The following RNF216 variants were observed in gnomAD, a reference collection of about 807,000 sequenced individuals.
RNF216 encodes E3 ubiquitin-protein ligase RNF216.
A neutral mutation model predicts 110.8 loss-of-function variants in RNF216; 72 were observed. That is an observed-to-expected ratio of 0.65 (90% CI 0.54 to 0.79). The LOEUF (loss-of-function observed/expected upper bound fraction) is 0.79, where lower values mean the gene tolerates loss of function less well. Ranked by LOEUF, RNF216 falls within the 30% of genes least tolerant of loss-of-function variation. The pLI is 0.00. For synonymous variants in RNF216, 495 were observed against 407.5 expected (o/e 1.21, Z -2.59); for missense variants, 1,342 against 1,141.2 (o/e 1.18, Z -2.54).
rs191933722 is a variant in RNF216, at chr7:5,653,841, T to C, written c.2062-1331A>G. On this transcript the variant is annotated intron_variant, in intron 13 of 16. Transcript: ENST00000389902. ...GAAAACAGATCAACACTCCAGACAA[T>C]GGGCAGCAAGAGAAGACTCTGGCAG... is the stretch of plus-strand genomic sequence containing the variant. Among the ~76,000 whole-genome samples, 26 of 151,840 alleles carry C rather than the reference T, an allele frequency of 1.7e-4. 1 individual carries two copies. Among genetic ancestry groups the C allele is most frequent in the Admixed American group, 1.6e-3 (24 of 15,242 alleles).
chr7:5,748,090 G>T (rs1795133180), intron 3 of RNF216, among the ~76,000 whole-genome samples: 1 of 152,088 alleles, frequency 6.6e-6, no homozygotes, highest in Admixed American at 6.5e-5. Context: ...GCAAATATCA[G>T]ACCCCTCCCT....
chr7:5,725,237 C>T (rs1793676549), intron 8 of RNF216, 87 bp downstream of exon 8: 6 of 795,448 alleles, frequency 7.5e-6, no homozygotes, highest in Non-Finnish European at 1.3e-5. Flanking sequence ...TCAGCAGACA[C>T]CTGTAGCACG....
intron 13 of RNF216, among the ~76,000 whole-genome samples, chr7:5,697,535 A>G (rs1311977979): frequency 6.6e-6 from 1 of 152,182 alleles, no homozygotes; most frequent in Non-Finnish European, 1.5e-5. Context: ...GGCTGGGCTA[A>G]GGCTTTTTTA....
intron 8 of RNF216, 116 bp from the exon 9 acceptor site, chr7:5,721,288 A>G (rs898630756): frequency 2.2e-6 from 2 of 910,246 alleles, no homozygotes; most frequent in African/African-American, 3.3e-5. Context: ...GGTACGTTTC[A>G]TGACTTTTCT....
At chr7:5,729,190 AGAAG>A (rs1793937596) in intron 7 of RNF216, among the ~76,000 whole-genome samples, 1 of 152,222 alleles carries the variant, frequency 6.6e-6, no homozygotes, top group South Asian at 2.1e-4. Context: ...ATTCCACAGT[AGAAG>A]GTATTACACT....
At chr7:5,713,588 T>A (rs1322734738) in intron 11 of RNF216, 2 of 152,188 alleles carry the variant, frequency 1.3e-5, no homozygotes, top group Non-Finnish European at 2.9e-5. Context: ...GTTCATAATA[T>A]AAAAGCTAAC....
At chr7:5,701,127 C>T (rs1017198944) in intron 13 of RNF216, among the ~76,000 whole-genome samples, 6 of 152,182 alleles carry the variant, frequency 3.9e-5, no homozygotes, top group African/African-American at 9.7e-5. Context: ...TCCCCCAGCA[C>T]GTGGCTCTCC....
At chr7:5,662,216 T>C (rs545553729) in intron 13 of RNF216, among the ~76,000 whole-genome samples, 22 of 152,270 alleles carry the variant, frequency 1.4e-4, no homozygotes, top group African/African-American at 4.1e-4. Flanking sequence ...CTGGTAACGA[T>C]AGGAACCTGC....
intron 2 of RNF216, among the ~76,000 whole-genome samples, chr7:5,758,133 G>C (rs991218939): frequency 1.3e-5 from 2 of 152,120 alleles, no homozygotes; most frequent in Non-Finnish European, 2.9e-5. Context: ...AAATGAATTA[G>C]TTGTTCTTAA....
chr7:5,634,586 A>G (rs1787283217), intron 15 of RNF216, among the ~76,000 whole-genome samples: 1 of 151,948 alleles, frequency 6.6e-6, no homozygotes, highest in South Asian at 2.1e-4. Flanking sequence ...GCTGGGGAGG[A>G]GCAGAGACTT....
rs140309187 is a variant in RNF216 at position 5,752,970 on chromosome 7, T to C, written c.77A>G (p.Asn26Ser). ...TATGGTGATGGGCCCATCTCGGAGATTGATCCACTCTACAGGAAAGCAGAG... is the reference window on the plus strand; with the variant it reads ...TATGGTGATGGGCCCATCTCGGAGACTGATCCACTCTACAGGAAAGCAGAG... ...FHCHRGQEWI[N>S]LRDGPITISD... Residue 26 changes from asparagine (N) to serine (S), a missense_variant, in exon 3 of 17, where the codon AAT (asparagine) becomes AGT (serine). Physicochemically the swap from Asn to Ser is conservative, Grantham distance 46. Transcript: ENST00000389902. 3.7e-4 allele frequency: 589 copies of C among 1,611,076 alleles called. 4 individuals are homozygous for C. In the African/African-American group the frequency reaches 6.0e-3, roughly 16 times the overall value.
intron 10 of RNF216, 102 bp from the exon 11 acceptor site, chr7:5,715,292 G>T: frequency 8.1e-7 from 1 of 1,241,698 alleles, no homozygotes; most frequent in Admixed American, 2.0e-5. Context: ...CACAAATTCT[G>T]AGGTAAAGCA....
In RNF216 at chr7:5,739,287, A is replaced by G. The variant is rs779537129; in HGVS notation, c.1110T>C (p.Tyr370=). ...GGTAGTATACTTACACATTCAGATC[A>G]TAATAATTCTTAAAATGAATTATTT... is the stretch of plus-strand genomic sequence containing the variant. ...IEEIIHFKNY[Y]DLNVLCNFLL... The change falls in exon 5 of 17, where the codon TAT becomes TAC. Residue 370 remains tyrosine (Y), a synonymous_variant. Coordinates refer to ENST00000389902, the MANE Select transcript of RNF216 (RefSeq NM_207111.4). 9 of 1,593,490 alleles carry G rather than the reference A, an allele frequency of 5.6e-6. No homozygotes were observed. Among genetic ancestry groups the G allele is most frequent in the Middle Eastern group, 1.7e-4 (1 of 5,942 alleles).
intron 1 of RNF216, among the ~76,000 whole-genome samples, chr7:5,765,478 T>C (rs960941750): frequency 6.6e-6 from 1 of 150,676 alleles, no homozygotes; most frequent in African/African-American, 2.4e-5. Context: ...AATAAAAAAA[T>C]AAAAAATAAG....
At chr7:5,726,078 G>A (rs1328352323) in intron 7 of RNF216, among the ~76,000 whole-genome samples, 3 of 151,874 alleles carry the variant, frequency 2.0e-5, no homozygotes, top group Admixed American at 6.6e-5. Flanking sequence ...GGTGTTCAAG[G>A]CTTGCCCGGG....
chr7:5,718,775 G>C (rs1793228381), intron 9 of RNF216, among the ~76,000 whole-genome samples: 1 of 152,122 alleles, frequency 6.6e-6, no homozygotes, highest in South Asian at 2.1e-4. Flanking sequence ...TGTAACTCCT[G>C]ATCTCAGGTG....
At chr7:5,754,002 A>T (rs1038994680) in intron 2 of RNF216, among the ~76,000 whole-genome samples, 7 of 151,916 alleles carry the variant, frequency 4.6e-5, no homozygotes, top group East Asian at 3.9e-4. Flanking sequence ...CTCAAATTTT[A>T]AAAAAAATGC....
At chr7:5,664,837 C>G (rs1344737547) in intron 13 of RNF216, among the ~76,000 whole-genome samples, 2 of 152,102 alleles carry the variant, frequency 1.3e-5, no homozygotes, top group Admixed American at 1.3e-4. Context: ...CTCTTGTTGC[C>G]CAGGCTGGAG....
rs377221721 is a variant in RNF216 at position 5,638,364 on chromosome 7, G to A, written c.2382+2790C>T. Among the ~76,000 whole-genome samples the A allele has an allele frequency of 3.9e-5, 6 of 152,296 alleles. No individual in the cohort carries two copies. In the South Asian group the frequency reaches 1.2e-3, roughly 32 times the overall value. On this transcript the variant is annotated intron_variant, in intron 15 of 16. Transcript: ENST00000389902. ...AACTTTAAACAACTCAGTGAACAGT[G>A]TTGCAGACAGAACTTTGTGAACTTG...
Sources: gnomAD v4.1 joint callset for allele counts (sites outside exome capture counted in the v4.1 genomes callset) on GRCh38, gnomAD v4.1.1 for gene constraint, MANE v1.5 for transcripts, NCBI Gene and HGNC (gene_info 2026-07-23, HGNC 2026-07-21) for gene names.